HMGN5: variants seen among roughly 807,000 people sequenced by gnomAD.
HMGN5 encodes the protein high mobility group nucleosome binding domain 5.
A neutral mutation model predicts 9.5 loss-of-function variants in HMGN5; 4 were observed. That is an observed-to-expected ratio of 0.42 (90% CI 0.21 to 0.96). HMGN5 has a LOEUF of 0.96. Among genes scored for constraint, HMGN5 ranks in the 40% least tolerant of loss-of-function variants. HMGN5 has a pLI of 0.30. For missense variants in HMGN5, 192 were observed against 187.5 expected (o/e 1.02, Z -0.14); for synonymous variants, 55 against 57.1 (o/e 0.96, Z 0.16).
chrX:81,121,071 AAAAAAAG>A (rs767867272), intron 2 of HMGN5, among the ~76,000 whole-genome samples: 87 of 110,357 alleles, frequency 7.9e-4, no homozygotes, highest in Non-Finnish European at 1.3e-3. Flanking sequence ...GAAGGAAAAA[AAAAAAAG>A]AAAAAAGAAA....
chrX:81,157,671 CTA>C (rs1430868983), intron 1 of HMGN5, among the ~76,000 whole-genome samples: 1 of 111,588 alleles, frequency 9.0e-6, no homozygotes, highest in East Asian at 2.8e-4. Context: ...ATGACCTAGT[CTA>C]TATATTTTCC....
At chrX:81,148,987 G>C (rs2075353380) in intron 1 of HMGN5, among the ~76,000 whole-genome samples, 1 of 111,708 alleles carries the variant, frequency 9.0e-6, no homozygotes, top group Admixed American at 9.5e-5. Flanking sequence ...AACAGATGCT[G>C]GAGAGGATGT....
At chrX:81,159,314 G>A (rs1345375658) in intron 1 of HMGN5, among the ~76,000 whole-genome samples, 1 of 111,018 alleles carries the variant, frequency 9.0e-6, no homozygotes, top group African/African-American at 3.3e-5. Flanking sequence ...TGAGTTGATA[G>A]GTGCAGCAAA....
intron 1 of HMGN5, among the ~76,000 whole-genome samples, chrX:81,152,889 G>A (rs5959827): frequency 0.013 from 1,334 of 104,468 alleles, 21 homozygotes; most frequent in African/African-American, 0.044. Flanking sequence ...GTAAACTATC[G>A]CAAAAACAAA....
intron 1 of HMGN5, among the ~76,000 whole-genome samples, chrX:81,174,283 T>C (rs993556816): frequency 1.8e-5 from 2 of 111,223 alleles, no homozygotes; most frequent in Admixed American, 9.6e-5. Context: ...AGAATTAATT[T>C]TGAAAGACAC....
In HMGN5 at chrX:81,147,790, G is replaced by C. The variant is rs771933184; in HGVS notation, c.-123-26118C>G. Among the ~76,000 whole-genome samples, 4 of 111,913 alleles carry C rather than the reference G, an allele frequency of 3.6e-5. No individual in the cohort carries two copies. In the Admixed American group the frequency reaches 3.8e-4, roughly 11 times the overall value. On this transcript the variant is annotated intron_variant, in intron 1 of 6. Coordinates refer to ENST00000358130, the MANE Select transcript of HMGN5 (RefSeq NM_030763.3). ...ATAAGCAACTTCAGCAAAGTCTCAG[G>C]ATACAAAATCGATGTGCAAAAATCA...
intron 1 of HMGN5, among the ~76,000 whole-genome samples, chrX:81,184,524 C>A (rs1286855746): frequency 9.0e-6 from 1 of 110,708 alleles, no homozygotes; most frequent in East Asian, 2.8e-4. Flanking sequence ...CAAATATTTT[C>A]TCCCACTGGG....
chrX:81,200,602 C>G (rs1308186604), intron 1 of HMGN5, among the ~76,000 whole-genome samples: 2 of 111,591 alleles, frequency 1.8e-5, no homozygotes, highest in Non-Finnish European at 3.8e-5. Context: ...CAAACTATCA[C>G]AAGGACAGAA....
chrX:81,115,281 C>T (rs1326660806), intron 6 of HMGN5, 51 bp from the exon 7 acceptor site: 1 of 1,079,902 alleles, frequency 9.3e-7, no homozygotes, highest in East Asian at 3.2e-5. Context: ...AATTTAGAAC[C>T]ATTTCCCCTA....
chrX:81,200,153 G>A (rs187213675), intron 1 of HMGN5, among the ~76,000 whole-genome samples: 2 of 112,586 alleles, frequency 1.8e-5, no homozygotes, highest in East Asian at 5.6e-4. Context: ...TGAGAGAAAT[G>A]CAAATCAAAA....
intron 1 of HMGN5, among the ~76,000 whole-genome samples, chrX:81,152,665 A>C (rs757899542): frequency 1.8e-5 from 2 of 111,077 alleles, no homozygotes; most frequent in South Asian, 7.7e-4. Context: ...AAAGGACTAT[A>C]AATCATGCTG....
chrX:81,169,116 G>A (rs190095135), intron 1 of HMGN5, among the ~76,000 whole-genome samples: 2 of 111,567 alleles, frequency 1.8e-5, no homozygotes, highest in African/African-American at 6.5e-5. Flanking sequence ...AGAGAACAAG[G>A]AACTGAAGGG....
chrX:81,167,603 A>C (rs1474051266), intron 1 of HMGN5, among the ~76,000 whole-genome samples: 6 of 112,020 alleles, frequency 5.4e-5, no homozygotes, highest in African/African-American at 1.9e-4. Flanking sequence ...TGACCAACTG[A>C]ACTGATTTAA....
At chrX:81,128,714 C>T (rs960005997) in intron 1 of HMGN5, among the ~76,000 whole-genome samples, 3 of 111,231 alleles carry the variant, frequency 2.7e-5, no homozygotes, top group African/African-American at 9.8e-5. Context: ...GGGTTTTGCT[C>T]TGTGAAAAAT....
chrX:81,191,945 A>G (rs757589117), intron 1 of HMGN5, among the ~76,000 whole-genome samples: 5 of 111,351 alleles, frequency 4.5e-5, no homozygotes, highest in African/African-American at 6.5e-5. Context: ...GAGGGTACCA[A>G]CACACACTAT....
At chrX:81,152,411 C>G (rs1330198159) in intron 1 of HMGN5, among the ~76,000 whole-genome samples, 2 of 111,006 alleles carry the variant, frequency 1.8e-5, no homozygotes, top group Non-Finnish European at 3.8e-5. Context: ...CCATCACTGG[C>G]CATCAGAGAA....
At chrX:81,116,624 G>A (rs1002251696) in intron 5 of HMGN5, among the ~76,000 whole-genome samples, 1 of 111,740 alleles carries the variant, frequency 8.9e-6, no homozygotes, top group African/African-American at 3.3e-5. Flanking sequence ...TTAGAATGCT[G>A]ACTAGTTGCT....
intron 1 of HMGN5, among the ~76,000 whole-genome samples, chrX:81,172,746 A>G (rs1452460380): frequency 1.8e-5 from 2 of 111,184 alleles, no homozygotes; most frequent in African/African-American, 6.5e-5. Flanking sequence ...AAAAAATTTT[A>G]AATGACAAAT....
At chrX:81,195,870 C>T (rs1452151871) in intron 1 of HMGN5, among the ~76,000 whole-genome samples, 2 of 111,727 alleles carry the variant, frequency 1.8e-5, no homozygotes, top group Non-Finnish European at 3.8e-5. Context: ...CGCTTCAAAG[C>T]CTTCCACATT....
Sources: allele counts gnomAD v4.1 joint callset (sites outside exome capture counted in the v4.1 genomes callset), GRCh38; gene constraint gnomAD v4.1.1; transcripts MANE v1.5; gene names NCBI Gene and HGNC (gene_info 2026-07-23, HGNC 2026-07-21).